CASK: variants seen among roughly 807,000 people sequenced by gnomAD.
CASK encodes the protein calcium/calmodulin dependent serine protein kinase.
A neutral mutation model predicts 82.9 loss-of-function variants in CASK; 4 were observed. The observed-to-expected ratio is 0.05, with a 90% CI of 0.02 to 0.11. CASK has a LOEUF of 0.11. Among genes scored for constraint, CASK ranks in the 10% least tolerant of loss-of-function variants. The probability of loss-of-function intolerance (pLI) is 1.00; values close to 1 mark genes in which losing one functional copy is unlikely to be tolerated. For missense variants in CASK, 358 were observed against 720.9 expected (o/e 0.50, Z 5.76); for synonymous variants, 259 against 253.5 (o/e 1.02, Z -0.20).
intron 14 of CASK, 94 bp from the exon 15 acceptor site, chrX:41,578,622 T>A: frequency 1.5e-6 from 1 of 660,030 alleles, no homozygotes; most frequent in Non-Finnish European, 2.3e-6. Flanking sequence ...AGGGTCTCAC[T>A]CTGTCACCCA....
chrX:41,517,731 TTTTC>T lies in CASK; in HGVS notation c.*2685_*2688del, dbSNP rs2064575354. 1.6e-6 allele frequency: 1 copy of T among 627,389 alleles called. No homozygotes were observed. The highest frequency in any genetic ancestry group is 2.7e-5 in the Admixed American group (1 of 37,076). The allele number at this position is 627,389 out of a possible 1,213,427, so 51.7% of individuals were successfully genotyped here. ...GAAGCAGTAAAGAAGCTTTTAGCAA[TTTTC>T]TCTGATTGCTTAGTGGACAATTGTA... is the stretch of plus-strand genomic sequence containing the variant. On this transcript the variant is annotated 3_prime_UTR_variant, in exon 27 of 27. Coordinates refer to ENST00000378163, the MANE Select transcript of CASK (RefSeq NM_001367721.1).
chrX:41,595,853 T>C (rs2065813080), intron 12 of CASK, among the ~76,000 whole-genome samples: 1 of 111,053 alleles, frequency 9.0e-6, no homozygotes, highest in Non-Finnish European at 1.9e-5. Flanking sequence ...GGCAAATACT[T>C]GGGAAAAAAG....
At chrX:41,601,490 C>T (rs918200496) in intron 12 of CASK, among the ~76,000 whole-genome samples, 2 of 111,856 alleles carry the variant, frequency 1.8e-5, no homozygotes, top group African/African-American at 6.5e-5. Flanking sequence ...CAACTACACG[C>T]TGGTTAATAA....
chrX:41,639,548 G>C (rs896022687), intron 8 of CASK, among the ~76,000 whole-genome samples: 3 of 110,346 alleles, frequency 2.7e-5, no homozygotes, highest in Non-Finnish European at 5.7e-5. Context: ...GTGAAAGAGA[G>C]ATAGACTCTG....
In CASK at chrX:41,557,214, G is replaced by A. The variant is rs188141036; in HGVS notation, c.1738-114C>T. 2.3e-3 allele frequency: 1,499 copies of A among 643,291 alleles called. 2 individuals are homozygous for A. Among genetic ancestry groups the A allele is most frequent in the Non-Finnish European group, 3.4e-3 (1,315 of 392,352 alleles). 53.0% of individuals were successfully genotyped at this position (643,291 alleles called of 1,213,427 possible). A position where few individuals can be genotyped will look rare whatever the true frequency, so the allele number is the denominator to read the frequency against. The stretch of plus-strand genomic sequence containing the variant: ...AACCATTTCCTTTGAGGTTTGAGCT[G>A]TATAGGTGCCATACTGACTTGCTTG... On this transcript the variant is annotated intron_variant, in intron 18 of 26. Coordinates refer to ENST00000378163, the MANE Select transcript of CASK (RefSeq NM_001367721.1).
At chrX:41,849,466 T>C (rs760858894) in intron 2 of CASK, among the ~76,000 whole-genome samples, 38 of 112,002 alleles carry the variant, frequency 3.4e-4, no homozygotes, top group African/African-American at 1.2e-3. Flanking sequence ...CATATCCTAA[T>C]ATAAATTCAT....
At chrX:41,619,525 A>C (rs1165089109) in intron 11 of CASK, among the ~76,000 whole-genome samples, 1 of 111,914 alleles carries the variant, frequency 8.9e-6, no homozygotes, top group Non-Finnish European at 1.9e-5. Context: ...CTATTATGAA[A>C]TAATAGTCAA....
chrX:41,651,940 C>T (rs1432981056), intron 8 of CASK, among the ~76,000 whole-genome samples: 1 of 110,828 alleles, frequency 9.0e-6, no homozygotes, highest in Non-Finnish European at 1.9e-5. Context: ...ATAGGTATGT[C>T]TTAGGGTGAC....
At chrX:41,706,297 T>C (rs2067884028) in intron 5 of CASK, among the ~76,000 whole-genome samples, 1 of 110,791 alleles carries the variant, frequency 9.0e-6, no homozygotes, top group Non-Finnish European at 1.9e-5. Flanking sequence ...TGCAGCTAAG[T>C]AAGTGAATGC....
At chrX:41,865,969 T>C (rs2071584662) in intron 1 of CASK, among the ~76,000 whole-genome samples, 1 of 112,195 alleles carries the variant, frequency 8.9e-6, no homozygotes. Flanking sequence ...GGAAGACACA[T>C]GGCTTCGCTG....
At chrX:41,731,121 A>T (rs777592629) in intron 5 of CASK, among the ~76,000 whole-genome samples, 5 of 112,819 alleles carry the variant, frequency 4.4e-5, no homozygotes, top group African/African-American at 1.6e-4. Flanking sequence ...TAGGAGTTTT[A>T]AAAAAATACA....
intron 20 of CASK, among the ~76,000 whole-genome samples, chrX:41,554,977 A>C (rs2065142655): frequency 1.8e-5 from 2 of 112,463 alleles, no homozygotes; most frequent in East Asian, 5.5e-4. Context: ...TATTTTCAGC[A>C]ATCCAGCCTA....
At chrX:41,759,125 T>TA (rs775199114) in intron 3 of CASK, among the ~76,000 whole-genome samples, 1 of 112,364 alleles carries the variant, frequency 8.9e-6, no homozygotes, top group Non-Finnish European at 1.9e-5. Context: ...AAAAGCTCTC[T>TA]AAAGATCTGT....
Position 41,804,665 on chromosome X carries a change from G to C in CASK, c.173-17382C>G, listed in dbSNP as rs777847800. Among the ~76,000 whole-genome samples, 5 of 111,534 alleles carry C rather than the reference G, an allele frequency of 4.5e-5. No homozygotes were observed. In the East Asian group the frequency reaches 1.1e-3, roughly 25 times the overall value. ...TTGTAAGTAGTTCAACACAGGTCCT[G>C]GCTCTCTTCTTTTTTGGGAAGGGTT... On this transcript the variant is annotated intron_variant, in intron 2 of 26. Coordinates refer to ENST00000378163, the MANE Select transcript of CASK (RefSeq NM_001367721.1).
At position 41,542,682 on chromosome X, in the gene CASK, T is replaced by C; in HGVS notation, c.2155+9A>G. On this transcript the variant is annotated intron_variant, in intron 22 of 26. Coordinates refer to ENST00000378163, the MANE Select transcript of CASK (RefSeq NM_001367721.1). Reference sequence around the variant, plus strand: ...ACCCAGCCTCAGTAACAGTTGTGCTTTTCCCTACCTGCATTGTGCTTTGCC... The same window carrying C: ...ACCCAGCCTCAGTAACAGTTGTGCTCTTCCCTACCTGCATTGTGCTTTGCC... 3.6e-6 allele frequency: 4 copies of C among 1,122,317 alleles called. No homozygotes were observed. The highest frequency in any genetic ancestry group is 4.9e-6 in the Non-Finnish European group (4 of 813,995). The allele number at this position is 1,122,317 out of a possible 1,213,427, so 92.5% of individuals were successfully genotyped here. A position where few individuals can be genotyped will look rare whatever the true frequency, so the allele number is the denominator to read the frequency against.
intron 5 of CASK, among the ~76,000 whole-genome samples, chrX:41,686,257 T>C (rs758384246): frequency 1.0e-4 from 11 of 110,187 alleles, no homozygotes; most frequent in African/African-American, 3.6e-4. Flanking sequence ...ACCCAGCTAA[T>C]TTTTGTGTTT....
chrX:41,557,376 G>A (rs1264009407), intron 18 of CASK, among the ~76,000 whole-genome samples: 2 of 111,546 alleles, frequency 1.8e-5, no homozygotes, highest in African/African-American at 6.5e-5. Flanking sequence ...ATGAGACCCA[G>A]AAGAGTGACT....
At chrX:41,847,612 ATTTTTTGTTGAAAACTGAG>A (rs2071182704) in intron 2 of CASK, among the ~76,000 whole-genome samples, 1 of 111,848 alleles carries the variant, frequency 8.9e-6, no homozygotes. Flanking sequence ...ATGCCTCATA[ATTTTTTGTTGAAAACTGAG>A]TGTCTTAAAT....
In CASK at chrX:41,760,661, A is replaced by G. The variant is rs755739953; in HGVS notation, c.279-15060T>C. ...TACTCAAAATGAGCTCTGTTCAACT[A>G]GGACGTTGGTTAGTTAAATGGCCCC... On this transcript the variant is annotated intron_variant, in intron 3 of 26. Transcript: ENST00000378163. Among the ~76,000 whole-genome samples the G allele has an allele frequency of 1.3e-4, 14 of 111,247 alleles. No homozygotes were observed. The South Asian group carries it at 5.0e-3, about 40-fold the overall frequency.
Sources: gnomAD v4.1 joint callset for allele counts (sites outside exome capture counted in the v4.1 genomes callset) on GRCh38, gnomAD v4.1.1 for gene constraint, MANE v1.5 for transcripts, NCBI Gene and HGNC (gene_info 2026-07-23, HGNC 2026-07-21) for gene names.